The following FAM120C variants were observed in gnomAD, a reference collection of about 807,000 sequenced individuals.
FAM120C encodes the protein constitutive coactivator of PPAR-gamma-like protein 2.
FAM120C carries 14 observed loss-of-function variants against 71.2 expected under a neutral mutation model. That is an observed-to-expected ratio of 0.20 (90% confidence interval 0.13 to 0.31). The LOEUF (loss-of-function observed/expected upper bound fraction) is 0.31. Among genes scored for constraint, FAM120C ranks in the 10% least tolerant of loss-of-function variants. FAM120C has a pLI of 1.00. For missense variants in FAM120C, 500 were observed against 879.0 expected, an observed-to-expected ratio of 0.57 and a Z score of 5.45; for synonymous variants, 354 against 353.2, an observed-to-expected ratio of 1.00 and a Z score of -0.03.
At chrX:54,143,354 C>CA (rs370304614) in intron 4 of FAM120C, among the ~76,000 whole-genome samples, 4 of 103,890 alleles carry the variant, frequency 3.9e-5, no homozygotes, top group East Asian at 3.0e-4. Context: ...AAAAACCCTT[C>CA]AAAAAAATCA....
chrX:54,141,688 C>T (rs1420061279), intron 4 of FAM120C, among the ~76,000 whole-genome samples: 1 of 110,383 alleles, frequency 9.1e-6, no homozygotes, highest in African/African-American at 3.3e-5. Flanking sequence ...TATCCATAGA[C>T]AATATGATCA....
chrX:54,178,707 T>C lies in FAM120C; in HGVS notation c.699+3793A>G, dbSNP rs967843865. Among the ~76,000 whole-genome samples, 5 of 111,818 alleles carry C rather than the reference T, an allele frequency of 4.5e-5. No homozygotes were observed. The Admixed American group carries it at 4.8e-4, about 11-fold the overall frequency. On this transcript the variant is annotated intron_variant, in intron 1 of 15. Coordinates refer to ENST00000375180, the MANE Select transcript of FAM120C (RefSeq NM_017848.6). ...AGCATCTAGAAAAGTCAATGACTTTTCAGAATGTCTATGACTAATGGTAAG... is the reference window on the plus strand; with the variant it reads ...AGCATCTAGAAAAGTCAATGACTTTCCAGAATGTCTATGACTAATGGTAAG...
chrX:54,095,810 C>T (rs1186893123), intron 10 of FAM120C, among the ~76,000 whole-genome samples: 4 of 109,914 alleles, frequency 3.6e-5, no homozygotes. Flanking sequence ...GCATGCACCA[C>T]CATGCCTGGC....
intron 13 of FAM120C, among the ~76,000 whole-genome samples, chrX:54,082,260 C>T (rs1299537145): frequency 9.1e-6 from 1 of 109,897 alleles, no homozygotes; most frequent in Non-Finnish European, 1.9e-5. Context: ...TGAGGAGGGC[C>T]GGAGATCTGT....
intron 10 of FAM120C, among the ~76,000 whole-genome samples, chrX:54,104,610 C>T (rs1401622703): frequency 4.5e-5 from 5 of 110,567 alleles, no homozygotes; most frequent in Admixed American, 3.9e-4. Context: ...GAGTTCAAGA[C>T]CAGCCTGGTC....
intron 4 of FAM120C, among the ~76,000 whole-genome samples, chrX:54,137,501 G>A (rs2067100854): frequency 9.0e-6 from 1 of 111,545 alleles, no homozygotes; most frequent in Admixed American, 9.6e-5. Flanking sequence ...AATTTTGAAT[G>A]GCTGCATATT....
intron 9 of FAM120C, among the ~76,000 whole-genome samples, chrX:54,118,503 T>A (rs1217344055): frequency 1.8e-5 from 2 of 109,081 alleles, no homozygotes; most frequent in African/African-American, 6.7e-5. Context: ...TAAGTCTATT[T>A]TTAGTTTTGA....
At chrX:54,111,076 G>T (rs1488840586) in intron 10 of FAM120C, among the ~76,000 whole-genome samples, 3 of 108,157 alleles carry the variant, frequency 2.8e-5, no homozygotes, top group Non-Finnish European at 5.7e-5. Context: ...AAAAAAATTA[G>T]CTGGGCATGA....
chrX:54,138,087 T>C (rs1429594432), intron 4 of FAM120C, among the ~76,000 whole-genome samples: 2 of 111,565 alleles, frequency 1.8e-5, no homozygotes, highest in African/African-American at 6.5e-5. Context: ...AATAAATAAA[T>C]TGTGGTATAT....
chrX:54,131,587 C>T lies in FAM120C; in HGVS notation c.2062+1105G>A, dbSNP rs1456692618. On this transcript the variant is annotated intron_variant, in intron 9 of 15. Transcript: ENST00000375180. ...CCAAGTAGCTAGGATTACAGGCATG[C>T]GCCACCATGCCCGGCTAATTTTGTA... 2.7e-5 allele frequency among the ~76,000 whole-genome samples: 3 copies of T among 110,380 alleles called. No homozygotes were observed. The East Asian group carries it at 8.6e-4, about 32-fold the overall frequency.
intron 9 of FAM120C, among the ~76,000 whole-genome samples, chrX:54,128,109 A>G (rs369504241): frequency 8.1e-5 from 9 of 111,338 alleles, no homozygotes; most frequent in African/African-American, 2.9e-4. Flanking sequence ...GGTTCACGGC[A>G]TCCTCCACCA....
At chrX:54,116,822 G>C in intron 9 of FAM120C, 28 bp from the exon 10 acceptor site, 1 of 1,198,089 alleles carries the variant, frequency 8.3e-7, no homozygotes, top group Non-Finnish European at 1.1e-6. Flanking sequence ...AGGAAAAAGA[G>C]GCTCTAGAGA....
intron 9 of FAM120C, among the ~76,000 whole-genome samples, chrX:54,127,452 C>T (rs1385833095): frequency 1.9e-5 from 2 of 106,931 alleles, no homozygotes; most frequent in African/African-American, 6.8e-5. Context: ...TTAGCCGGGC[C>T]TGGTGGTGGG....
chrX:54,108,493 A>G (rs1052104044), intron 10 of FAM120C, among the ~76,000 whole-genome samples: 1 of 111,552 alleles, frequency 9.0e-6, no homozygotes, highest in South Asian at 3.7e-4. Context: ...AGTCTCAAAA[A>G]AGAAAAGAGT....
At position 54,157,675 on chromosome X, in the gene FAM120C, A is replaced by G. The variant is rs782321338; in HGVS notation, c.1029+14T>C. 3.2e-5 allele frequency: 38 copies of G among 1,177,154 alleles called. No individual in the cohort carries two copies. Among genetic ancestry groups the G allele is most frequent in the Middle Eastern group, 2.4e-4 (1 of 4,218 alleles). On this transcript the variant is annotated intron_variant, in intron 3 of 15. Coordinates refer to ENST00000375180, the MANE Select transcript of FAM120C (RefSeq NM_017848.6). ...ATCCCCTAATCTGTATAGGCAAGAA[A>G]TAGGAAACATTACCTTAAGTGATGC...
At chrX:54,096,918 T>C (rs2066854827) in intron 10 of FAM120C, among the ~76,000 whole-genome samples, 1 of 111,705 alleles carries the variant, frequency 9.0e-6, no homozygotes, top group Admixed American at 9.6e-5. Context: ...TGTGTCAGCA[T>C]TGATTGTCAC....
intron 14 of FAM120C, among the ~76,000 whole-genome samples, chrX:54,080,975 G>A (rs1557121223): frequency 9.1e-6 from 1 of 109,751 alleles, no homozygotes; most frequent in African/African-American, 3.3e-5. Context: ...TTTGAGCCCA[G>A]CCTGGGCAAC....
intron 1 of FAM120C, among the ~76,000 whole-genome samples, chrX:54,176,928 G>A (rs181422063): frequency 4.5e-5 from 5 of 111,997 alleles, no homozygotes; most frequent in Non-Finnish European, 7.5e-5. Flanking sequence ...TACTCTGGTA[G>A]TAAAGGGAAG....
At chrX:54,109,773 C>T (rs1392728938) in intron 10 of FAM120C, among the ~76,000 whole-genome samples, 5 of 106,038 alleles carry the variant, frequency 4.7e-5, no homozygotes, top group Middle Eastern at 9.5e-3. Context: ...GCCGAGATCA[C>T]GCCACTGCAC....
Sources: gnomAD v4.1 joint callset for allele counts (sites outside exome capture counted in the v4.1 genomes callset) on GRCh38, gnomAD v4.1.1 for gene constraint, MANE v1.5 for transcripts, NCBI Gene and HGNC (gene_info 2026-07-23, HGNC 2026-07-21) for gene names.